The following ESYT2 variants were observed in gnomAD, a reference collection of about 807,000 sequenced individuals.
ESYT2 encodes extended synaptotagmin-2.
A neutral mutation model predicts 107.2 loss-of-function variants in ESYT2; 54 were observed. The observed-to-expected ratio is 0.50, with a 90% CI of 0.40 to 0.63. ESYT2 has a LOEUF of 0.63. Ranked by LOEUF, ESYT2 falls within the 30% of genes least tolerant of loss-of-function variation. The pLI, the probability that ESYT2 is intolerant of heterozygous loss-of-function variation, is 0.00. For missense variants in ESYT2, 1,020 were observed against 1,094.5 expected (o/e 0.93, Z 0.96); for synonymous variants, 491 against 434.1 (o/e 1.13, Z -1.63).
At chr7:158,792,897 T>G (rs1839349091) in intron 4 of ESYT2, among the ~76,000 whole-genome samples, 1 of 150,982 alleles carries the variant, frequency 6.6e-6, no homozygotes, top group South Asian at 2.1e-4. Context: ...GCCTCCCGAG[T>G]AGCTGGGACT....
Position 158,737,094 on chromosome 7 carries a change from T to A in ESYT2, c.2353A>T (p.Lys785Ter), listed in dbSNP as rs758770896. The A allele has an allele frequency of 3.7e-6, 6 of 1,613,902 alleles. No homozygotes were observed. ...AATGTTTTCTTTGACACGTGTGTTTTCCTCCTTCCTGACCGCCTCTTGTCT... is the reference window on the plus strand; with the variant it reads ...AATGTTTTCTTTGACACGTGTGTTTACCTCCTTCCTGACCGCCTCTTGTCT... The part of the protein sequence containing the change: ...LPDKRRSGRR[K>*]THVSKKTLNP... The change falls in exon 20 of 23, where the codon AAA (lysine) becomes TAA (stop). Residue 785 changes from lysine (K) to a stop codon, truncating the protein, a stop_gained. Transcript: ENST00000275418. LOFTEE classifies it high-confidence loss of function.
chr7:158,753,011 G>C (rs569357064), intron 13 of ESYT2, among the ~76,000 whole-genome samples, 168 bp from the exon 14 acceptor site: 1 of 152,304 alleles, frequency 6.6e-6, no homozygotes, highest in South Asian at 2.1e-4. Flanking sequence ...AATTCTTTAT[G>C]CCCAAGACTT....
intron 13 of ESYT2, among the ~76,000 whole-genome samples, chr7:158,754,689 A>G (rs752733554): frequency 6.6e-6 from 1 of 152,178 alleles, no homozygotes; most frequent in Admixed American, 6.5e-5. Context: ...TAAACTTAAT[A>G]AAGTGACAAT....
chr7:158,809,582 A>C (rs1000097392), intron 1 of ESYT2, among the ~76,000 whole-genome samples: 2 of 152,142 alleles, frequency 1.3e-5, no homozygotes, highest in African/African-American at 4.8e-5. Flanking sequence ...ACATGAAAAG[A>C]TGCTCAACAT....
At chr7:158,815,253 T>C (rs1167251045) in intron 1 of ESYT2, among the ~76,000 whole-genome samples, 2 of 152,112 alleles carry the variant, frequency 1.3e-5, no homozygotes, top group African/African-American at 4.8e-5. Context: ...TCCAGGGAGG[T>C]GCTGGCTGCT....
intron 9 of ESYT2, among the ~76,000 whole-genome samples, chr7:158,763,440 A>G (rs951760913): frequency 2.0e-5 from 3 of 151,940 alleles, no homozygotes; most frequent in Admixed American, 6.6e-5. Context: ...GATTACAGGC[A>G]TGTGCCACCA....
Position 158,759,453 on chromosome 7 carries a change from C to T in ESYT2, c.1419+33G>A, listed in dbSNP as rs199695876. ...AAGCAAGAGCAGCTGCTAGGAAATA[C>T]GCACCCACAGGTGTTACCACTGTGT... On this transcript the variant is annotated intron_variant, in intron 13 of 22. Coordinates refer to ENST00000275418, the MANE Select transcript of ESYT2 (RefSeq NM_001367773.1). The T allele has an allele frequency of 6.3e-4, 962 of 1,531,550 alleles. 2 individuals carry two copies. The highest frequency in any genetic ancestry group is 8.2e-4 in the Non-Finnish European group (908 of 1,112,576). 94.9% of individuals were successfully genotyped at this position (1,531,550 alleles called of 1,614,324 possible).
At chr7:158,777,615 C>A (rs1022301902) in intron 6 of ESYT2, among the ~76,000 whole-genome samples, 2 of 152,158 alleles carry the variant, frequency 1.3e-5, no homozygotes, top group Admixed American at 6.5e-5. Flanking sequence ...TTCCTGAGGC[C>A]TCCCCAGACA....
intron 1 of ESYT2, among the ~76,000 whole-genome samples, chr7:158,800,126 G>A (rs1040962321): frequency 1.3e-5 from 2 of 148,490 alleles, no homozygotes; most frequent in African/African-American, 2.5e-5. Flanking sequence ...TCGGCTCACT[G>A]CAACCTCCGC....
chr7:158,823,194 C>T (rs181269743), intron 1 of ESYT2, among the ~76,000 whole-genome samples: 143 of 134,228 alleles, frequency 1.1e-3, no homozygotes, highest in African/African-American at 3.9e-3. Context: ...ACTTGGGAGG[C>T]TGAGGCAGGA....
At chr7:158,741,304 G>A (rs1348018310) in intron 18 of ESYT2, among the ~76,000 whole-genome samples, 1 of 152,192 alleles carries the variant, frequency 6.6e-6, no homozygotes, top group Non-Finnish European at 1.5e-5. Context: ...AATCTTTAAT[G>A]ACTAAATCCT....
chr7:158,734,591 C>T (rs894742836), intron 21 of ESYT2, 120 bp from the exon 22 acceptor site: 9 of 844,218 alleles, frequency 1.1e-5, no homozygotes, highest in Non-Finnish European at 1.5e-5. Flanking sequence ...GAGTTTGAGA[C>T]CAGCCTGGGC....
At position 158,767,873 on chromosome 7, in the gene ESYT2, C is replaced by A. The variant is rs1838217350; in HGVS notation, c.804-99G>T. On this transcript the variant is annotated intron_variant, in intron 7 of 22. Coordinates refer to ENST00000275418, the MANE Select transcript of ESYT2 (RefSeq NM_001367773.1). Reference sequence around the variant, plus strand: ...CTTACCACGAATATGATGTAAGTCCCATTTATTTACAGAGTAGGAGTTATC... The same window carrying A: ...CTTACCACGAATATGATGTAAGTCCAATTTATTTACAGAGTAGGAGTTATC... 13 of 1,368,324 alleles carry A rather than the reference C, an allele frequency of 9.5e-6. No homozygotes were observed. The South Asian group carries it at 1.7e-4, about 18-fold the overall frequency. The allele number at this position is 1,368,324 out of a possible 1,614,324, so 84.8% of individuals were successfully genotyped here.
chr7:158,740,740 T>C (rs1051425912), intron 18 of ESYT2, among the ~76,000 whole-genome samples: 1 of 152,140 alleles, frequency 6.6e-6, no homozygotes, highest in African/African-American at 2.4e-5. Context: ...TCCAAAATAG[T>C]GGACATGAGA....
At chr7:158,820,582 G>A (rs1840260843) in intron 1 of ESYT2, among the ~76,000 whole-genome samples, 2 of 152,190 alleles carry the variant, frequency 1.3e-5, no homozygotes, top group African/African-American at 4.8e-5. Context: ...CTTGAGCCCA[G>A]GAGTTCAAGA....
At chr7:158,818,078 A>G (rs1332686848) in intron 1 of ESYT2, among the ~76,000 whole-genome samples, 2 of 152,228 alleles carry the variant, frequency 1.3e-5, no homozygotes, top group Non-Finnish European at 2.9e-5. Context: ...AACTATTACA[A>G]CTGACCCCGA....
intron 1 of ESYT2, among the ~76,000 whole-genome samples, chr7:158,809,188 T>C (rs1371321407): frequency 6.6e-6 from 1 of 151,530 alleles, no homozygotes; most frequent in Non-Finnish European, 1.5e-5. Context: ...TGGGCAAAAG[T>C]GACGGGGCGT....
intron 6 of ESYT2, among the ~76,000 whole-genome samples, chr7:158,786,424 G>GA (rs927139610): frequency 1.4e-4 from 21 of 151,350 alleles, no homozygotes; most frequent in African/African-American, 3.2e-4. Flanking sequence ...ACTGGTATGG[G>GA]AAAAAAAACA....
In ESYT2 at chr7:158,743,611, C is replaced by T; in HGVS notation, c.1712G>A (p.Ser571Asn). ...LKVPLSQLLT[S>N]EDMTVSQRFQ... Reference sequence around the variant, plus strand: ...GCGCTGGCTCACAGTCATGTCCTCACTGGTGAGCAGCTGGCTGAGGGGGAC... The same window carrying T: ...GCGCTGGCTCACAGTCATGTCCTCATTGGTGAGCAGCTGGCTGAGGGGGAC... The change falls in exon 17 of 23, where the codon AGT becomes AAT. Residue 571 changes from serine to asparagine, a missense_variant. By Grantham distance (46) the Ser-to-Asn change is conservative. Coordinates refer to ENST00000275418, the MANE Select transcript of ESYT2 (RefSeq NM_001367773.1). 1.2e-6 allele frequency: 2 copies of T among 1,613,764 alleles called. No homozygotes were observed. Among genetic ancestry groups the T allele is most frequent in the Non-Finnish European group, 1.7e-6 (2 of 1,179,924 alleles).
Sources: gnomAD v4.1 joint callset for allele counts (sites outside exome capture counted in the v4.1 genomes callset) on GRCh38, gnomAD v4.1.1 for gene constraint, MANE v1.5 for transcripts, NCBI Gene and HGNC (gene_info 2026-07-23, HGNC 2026-07-21) for gene names.